SIPA1L1: variants seen among roughly 807,000 people sequenced by gnomAD.
SIPA1L1 encodes signal-induced proliferation-associated 1-like protein 1.
Under a neutral mutation model 162.7 loss-of-function variants are expected in SIPA1L1, and 26 were observed. That is an observed-to-expected ratio of 0.16 (90% confidence interval 0.12 to 0.22). The LOEUF is 0.22. Among genes scored for constraint, SIPA1L1 ranks in the 10% least tolerant of loss-of-function variants. The pLI is 1.00. For synonymous variants in SIPA1L1, 829 were observed against 837.4 expected, an observed-to-expected ratio of 0.99 and a Z score of 0.17; for missense variants, 1,874 against 2,241.0, an observed-to-expected ratio of 0.84 and a Z score of 3.31.
intron 4 of SIPA1L1, among the ~76,000 whole-genome samples, chr14:71,568,436 GA>G (rs1160970503): frequency 6.6e-6 from 1 of 152,170 alleles, no homozygotes; most frequent in East Asian, 1.9e-4. Context: ...TCACAAGCCT[GA>G]GTTCTGACAA....
chr14:71,452,791 A>G (rs949943179), intron 2 of SIPA1L1, among the ~76,000 whole-genome samples: 1 of 152,210 alleles, frequency 6.6e-6, no homozygotes, highest in Non-Finnish European at 1.5e-5. Flanking sequence ...AAAGAGGACT[A>G]GTGCTTTGAC....
intron 7 of SIPA1L1, among the ~76,000 whole-genome samples, chr14:71,626,745 T>C (rs2040030223): frequency 6.6e-6 from 1 of 152,310 alleles, no homozygotes; most frequent in East Asian, 1.9e-4. Flanking sequence ...TAAATCTCTT[T>C]TTATATTTGG....
At chr14:71,691,608 C>G (rs892326362) in intron 13 of SIPA1L1, among the ~76,000 whole-genome samples, 3 of 152,022 alleles carry the variant, frequency 2.0e-5, no homozygotes, top group African/African-American at 7.2e-5. Context: ...AAAAGTTTGT[C>G]TATGTGGACT....
chr14:71,481,026 A>T (rs2048315589), intron 2 of SIPA1L1, among the ~76,000 whole-genome samples: 1 of 152,246 alleles, frequency 6.6e-6, no homozygotes, highest in African/African-American at 2.4e-5. Context: ...ACCTGTAGTC[A>T]TTCACTTTCC....
In SIPA1L1 at chr14:71,671,196, A is replaced by G; in HGVS notation, c.2333A>G (p.Asn778Ser). 1 of 1,614,190 alleles carries G rather than the reference A, an allele frequency of 6.2e-7. No individual in the cohort carries two copies. Among genetic ancestry groups the G allele is most frequent in the Middle Eastern group, 1.6e-4 (1 of 6,062 alleles). ...AAAGGGGTCACTTTCCCTAAGTCAAATGTGTTCAGGGACTTCCTTTTGGCG... is the reference window on the plus strand; with the variant it reads ...AAAGGGGTCACTTTCCCTAAGTCAAGTGTGTTCAGGGACTTCCTTTTGGCG... ...IPKGVTFPKS[N>S]VFRDFLLAKV... is the part of the protein sequence containing the mutation. The change falls in exon 11 of 24, where the codon AAT (asparagine) becomes AGT (serine). Residue 778 changes from asparagine to serine, a missense_variant. This residue lies in a region of SIPA1L1 where 243 missense variants were observed against 315.0 expected (regional missense o/e 0.77). Coordinates refer to ENST00000381232, the MANE Select transcript of SIPA1L1 (RefSeq NM_001386936.1).
chr14:71,504,994 T>G (rs1383399737), intron 2 of SIPA1L1, among the ~76,000 whole-genome samples: 2 of 152,238 alleles, frequency 1.3e-5, no homozygotes, highest in Non-Finnish European at 2.9e-5. Flanking sequence ...CATGTTGTGC[T>G]TCATGTAACC....
intron 4 of SIPA1L1, among the ~76,000 whole-genome samples, chr14:71,539,779 A>G (rs2054219701): frequency 6.6e-6 from 1 of 152,174 alleles, no homozygotes; most frequent in African/African-American, 2.4e-5. Flanking sequence ...TGTGACCTGG[A>G]CTACAGGAAA....
chr14:71,663,262 G>A (rs1048917531), intron 10 of SIPA1L1, among the ~76,000 whole-genome samples: 6 of 152,022 alleles, frequency 3.9e-5, no homozygotes, highest in African/African-American at 9.7e-5. Flanking sequence ...AACAATTATT[G>A]TGACATCTTA....
At chr14:71,331,115 G>A (rs115439836) in intron 2 of SIPA1L1, among the ~76,000 whole-genome samples, 2,621 of 152,248 alleles carry the variant, frequency 0.017, 69 homozygotes, top group African/African-American at 0.06. Flanking sequence ...TCATTTGCAT[G>A]TGGGTATCTT....
intron 2 of SIPA1L1, among the ~76,000 whole-genome samples, chr14:71,348,380 T>G (rs535760676): frequency 6.6e-4 from 100 of 152,386 alleles, no homozygotes; most frequent in African/African-American, 2.4e-3. Flanking sequence ...TTTTCTTTTG[T>G]ACCTGGTTTA....
chr14:71,723,326 C>T (rs1001409999), intron 17 of SIPA1L1, among the ~76,000 whole-genome samples: 7 of 152,220 alleles, frequency 4.6e-5, no homozygotes, highest in Non-Finnish European at 7.3e-5. Flanking sequence ...TTTCTTCTGT[C>T]TCTTGCCACT....
At chr14:71,347,880 T>A (rs1462915454) in intron 2 of SIPA1L1, among the ~76,000 whole-genome samples, 1 of 152,212 alleles carries the variant, frequency 6.6e-6, no homozygotes, top group Non-Finnish European at 1.5e-5. Context: ...TCCTTATGTA[T>A]TTTAGATACA....
chr14:71,341,314 A>G (rs1258483737), intron 2 of SIPA1L1, among the ~76,000 whole-genome samples: 1 of 152,200 alleles, frequency 6.6e-6, no homozygotes, highest in Non-Finnish European at 1.5e-5. Context: ...AGCTTGAGAC[A>G]TTTATTTTTT....
At chr14:71,329,877 T>G (rs969083974) in intron 2 of SIPA1L1, among the ~76,000 whole-genome samples, 3 of 152,210 alleles carry the variant, frequency 2.0e-5, no homozygotes, top group Non-Finnish European at 2.9e-5. Flanking sequence ...GTTTTACTTT[T>G]TTGGGGAGAG....
chr14:71,487,397 C>G (rs1480550291), intron 2 of SIPA1L1, among the ~76,000 whole-genome samples: 2 of 152,236 alleles, frequency 1.3e-5, no homozygotes, highest in Non-Finnish European at 1.5e-5. Context: ...CAGTGCCTGA[C>G]TTCTCATAGG....
At chr14:71,592,919 C>T (rs1048616074) in intron 5 of SIPA1L1, among the ~76,000 whole-genome samples, 2 of 152,166 alleles carry the variant, frequency 1.3e-5, no homozygotes, top group African/African-American at 2.4e-5. Flanking sequence ...ATGCCCACTT[C>T]TCTTTGCCAT....
chr14:71,662,201 C>T (rs1461897050), intron 10 of SIPA1L1, among the ~76,000 whole-genome samples: 1 of 152,188 alleles, frequency 6.6e-6, no homozygotes, highest in East Asian at 1.9e-4. Flanking sequence ...AAAAATGTTA[C>T]CTGCATAGAA....
At chr14:71,730,462 C>A (rs1229109936) in intron 20 of SIPA1L1, among the ~76,000 whole-genome samples, 161 bp downstream of exon 20, 2 of 152,138 alleles carry the variant, frequency 1.3e-5, no homozygotes, top group Non-Finnish European at 2.9e-5. Flanking sequence ...CTCCTGTAAT[C>A]CCAGACCACC....
chr14:71,422,122 G>A (rs2043229640), intron 2 of SIPA1L1, among the ~76,000 whole-genome samples: 1 of 152,082 alleles, frequency 6.6e-6, no homozygotes, highest in Non-Finnish European at 1.5e-5. Context: ...TTTTAGCCTG[G>A]GAAAGAGATA....
Sources: allele counts gnomAD v4.1 joint callset (sites outside exome capture counted in the v4.1 genomes callset), GRCh38; gene constraint gnomAD v4.1.1; regional missense constraint gnomAD v4.1.1; transcripts MANE v1.5; gene names NCBI Gene and HGNC (gene_info 2026-07-23, HGNC 2026-07-21).